Variants in GRIN3A observed in about 807,000 individuals in gnomAD.
GRIN3A encodes the protein glutamate receptor ionotropic, NMDA 3A.
In GRIN3A, 47 loss-of-function variants were observed where a neutral mutation model predicts 92.4. The observed-to-expected ratio is 0.51, with a 90% confidence interval of 0.40 to 0.65. The LOEUF is 0.65. Among genes scored for constraint, GRIN3A ranks in the 30% least tolerant of loss-of-function variants. The probability of loss-of-function intolerance (pLI) is 0.00; values close to 1 mark genes in which losing one functional copy is unlikely to be tolerated. For missense variants in GRIN3A, 1,324 were observed against 1,393.1 expected (o/e 0.95, Z 0.79); for synonymous variants, 527 against 540.6 (o/e 0.97, Z 0.35).
At chr9:101,679,956 G>C (rs947837160) in intron 2 of GRIN3A, among the ~76,000 whole-genome samples, 1 of 152,262 alleles carries the variant, frequency 6.6e-6, no homozygotes, top group South Asian at 2.1e-4. Flanking sequence ...ATAGCTTCAG[G>C]CTGAAAGAAT....
chr9:101,720,267 AT>A, intron 1 of GRIN3A, among the ~76,000 whole-genome samples: 1 of 152,340 alleles, frequency 6.6e-6, no homozygotes, highest in East Asian at 1.9e-4. Context: ...CCTCTCATCT[AT>A]TTTTAAAATT....
intron 4 of GRIN3A, among the ~76,000 whole-genome samples, chr9:101,623,706 G>T (rs1395690895): frequency 6.6e-6 from 1 of 152,222 alleles, no homozygotes; most frequent in East Asian, 1.9e-4. Flanking sequence ...TAAAGCCAGA[G>T]CCACTCTGAA....
intron 1 of GRIN3A, among the ~76,000 whole-genome samples, chr9:101,721,534 CAGA>C (rs1430275287): frequency 6.6e-6 from 1 of 152,040 alleles, no homozygotes; most frequent in African/African-American, 2.4e-5. Context: ...TTGGAGGGCT[CAGA>C]AGAAGATAGA....
chr9:101,691,468 GTTCT>G, intron 1 of GRIN3A, among the ~76,000 whole-genome samples: 2 of 152,236 alleles, frequency 1.3e-5, no homozygotes, highest in East Asian at 3.9e-4. Context: ...CTATACAAGC[GTTCT>G]TTAATTGGGA....
chr9:101,638,245 A>G (rs540044637), intron 3 of GRIN3A, among the ~76,000 whole-genome samples: 3 of 152,344 alleles, frequency 2.0e-5, no homozygotes, highest in East Asian at 1.9e-4. Context: ...TTTAGATACT[A>G]TGGAGACCAA....
rs191159008 is a variant in GRIN3A, at chr9:101,673,477, C to T, written c.1305-2370G>A. On this transcript the variant is annotated intron_variant, in intron 2 of 8. Coordinates refer to ENST00000361820, the MANE Select transcript of GRIN3A (RefSeq NM_133445.3). ...TCCAAAAAATTGGGTCCCAGAGAAT[C>T]ACCATTTATGACAGATTATTTGTGT... Among the ~76,000 whole-genome samples the T allele has an allele frequency of 3.3e-5, 5 of 152,232 alleles. No individual in the cohort carries two copies. In the East Asian group the frequency reaches 7.7e-4, roughly 24 times the overall value.
intron 4 of GRIN3A, among the ~76,000 whole-genome samples, chr9:101,627,074 G>A (rs1295110832): frequency 6.6e-6 from 1 of 152,140 alleles, no homozygotes; most frequent in Non-Finnish European, 1.5e-5. Flanking sequence ...TATTTCTATT[G>A]AGCTGGAAGC....
intron 3 of GRIN3A, among the ~76,000 whole-genome samples, chr9:101,650,497 A>G (rs12555228): frequency 0.096 from 14,544 of 152,060 alleles, 1,038 homozygotes; most frequent in East Asian, 0.22. Flanking sequence ...CCACATCACC[A>G]CAGCAAATTA....
chr9:101,650,727 C>T (rs1271318208), intron 3 of GRIN3A, among the ~76,000 whole-genome samples: 2 of 151,966 alleles, frequency 1.3e-5, no homozygotes, highest in Non-Finnish European at 2.9e-5. Context: ...AAACCAAGAT[C>T]TTCTGTCACT....
At chr9:101,691,093 A>G (rs1252322859) in intron 1 of GRIN3A, among the ~76,000 whole-genome samples, 2 of 152,150 alleles carry the variant, frequency 1.3e-5, no homozygotes, top group African/African-American at 4.8e-5. Flanking sequence ...AACATGAAAA[A>G]CAAGAGAATA....
At chr9:101,709,850 T>G (rs916441059) in intron 1 of GRIN3A, among the ~76,000 whole-genome samples, 1 of 152,230 alleles carries the variant, frequency 6.6e-6, no homozygotes, top group Non-Finnish European at 1.5e-5. Context: ...AGCCTGACTC[T>G]ACACTGCATT....
At chr9:101,611,501 G>A (rs549716782) in intron 6 of GRIN3A, among the ~76,000 whole-genome samples, 1 of 152,206 alleles carries the variant, frequency 6.6e-6, no homozygotes, top group Admixed American at 6.5e-5. Context: ...CATTAATTTT[G>A]GGGGTACGCT....
At position 101,718,025 on chromosome 9, in the gene GRIN3A, G is replaced by A. The variant is rs577183016; in HGVS notation, c.699+19256C>T. Among the ~76,000 whole-genome samples the A allele has an allele frequency of 2.6e-5, 4 of 152,284 alleles. No homozygotes were observed. The South Asian group carries it at 8.3e-4, about 32-fold the overall frequency. On this transcript the variant is annotated intron_variant, in intron 1 of 8. Transcript: ENST00000361820. Reference sequence around the variant, plus strand: ...GTGAATGAGGACCCTCTTTCACAGGGCCTTGCACTCTTTTAGGTTCCCATC... The same window carrying A: ...GTGAATGAGGACCCTCTTTCACAGGACCTTGCACTCTTTTAGGTTCCCATC...
In GRIN3A at chr9:101,686,844, A is replaced by C; in HGVS notation, c.1056T>G (p.Leu352=). ...TCTGGGAATCTCCCAGCACCCAACG[A>C]AGTTCAGGGGGCATGACCCCAAACT... ...TTQFGVMPPE[L]RWVLGDSQNV... The change falls in exon 2 of 9, where the codon CTT becomes CTG. Residue 352 remains leucine (L), a synonymous_variant. Coordinates refer to ENST00000361820, the MANE Select transcript of GRIN3A (RefSeq NM_133445.3). 1 of 1,614,194 alleles carries C rather than the reference A, an allele frequency of 6.2e-7. No individual in the cohort carries two copies. Among genetic ancestry groups the C allele is most frequent in the Non-Finnish European group, 8.5e-7 (1 of 1,180,038 alleles).
At chr9:101,586,508 C>T (rs979673847) in intron 6 of GRIN3A, among the ~76,000 whole-genome samples, 4 of 151,996 alleles carry the variant, frequency 2.6e-5, no homozygotes, top group Non-Finnish European at 4.4e-5. Flanking sequence ...TGGAGATGGA[C>T]ATTCTCAATT....
At chr9:101,577,292 A>T (rs1252196011) in intron 8 of GRIN3A, among the ~76,000 whole-genome samples, 1 of 152,202 alleles carries the variant, frequency 6.6e-6, no homozygotes, top group African/African-American at 2.4e-5. Flanking sequence ...TAAAACATGG[A>T]ATTAATTGCC....
chr9:101,643,373 T>A (rs1475982606), intron 3 of GRIN3A, among the ~76,000 whole-genome samples: 3 of 152,062 alleles, frequency 2.0e-5, no homozygotes, highest in Admixed American at 2.0e-4. Context: ...CCTGTTAAGA[T>A]GACTATTATC....
At position 101,686,779 on chromosome 9, in the gene GRIN3A, A is replaced by G. The variant is rs371471010; in HGVS notation, c.1121T>C (p.Leu374Pro). ...ELRTEGLPLG[L>P]IAHGKTTQSV... is the part of the protein sequence containing the mutation. ...CTGTGTTGTTTTTCCATGAGCAATG[A>G]GCCCTAAGGGCAGACCCTCTGTCCT... The change falls in exon 2 of 9, where the codon CTC becomes CCC. Residue 374 changes from leucine to proline, a missense_variant. Physicochemically the swap from Leu to Pro is moderately conservative, Grantham distance 98 (BLOSUM62 -3). Transcript: ENST00000361820. The G allele has an allele frequency of 3.1e-6, 5 of 1,614,160 alleles. No homozygotes were observed. Among genetic ancestry groups the G allele is most frequent in the Middle Eastern group, 3.3e-4 (2 of 6,062 alleles).
At chr9:101,647,226 C>T (rs1328907976) in intron 3 of GRIN3A, among the ~76,000 whole-genome samples, 1 of 151,744 alleles carries the variant, frequency 6.6e-6, no homozygotes, top group African/African-American at 2.4e-5. Flanking sequence ...TTTATGAATG[C>T]TTTTTCAGTA....
Sources: allele counts gnomAD v4.1 joint callset (sites outside exome capture counted in the v4.1 genomes callset), GRCh38; gene constraint gnomAD v4.1.1; transcripts MANE v1.5; gene names NCBI Gene and HGNC (gene_info 2026-07-23, HGNC 2026-07-21).